The following VIT variants were observed in gnomAD, a reference collection of about 807,000 sequenced individuals.
VIT encodes vitrin.
VIT carries 99 observed loss-of-function variants against 78.0 expected under a neutral mutation model. That is an observed-to-expected ratio of 1.27 (90% CI 1.08 to 1.50). The LOEUF is 1.50. VIT is among the 40% of genes most tolerant of loss of function. The pLI, the probability that VIT is intolerant of heterozygous loss-of-function variation, is 0.00. For synonymous variants in VIT, 374 were observed against 334.3 expected (o/e 1.12, Z -1.29); for missense variants, 1,126 against 875.3 (o/e 1.29, Z -3.61).
At chr2:36,795,322 C>G (rs1365373342) in intron 12 of VIT, among the ~76,000 whole-genome samples, 1 of 151,882 alleles carries the variant, frequency 6.6e-6, no homozygotes, top group African/African-American at 2.4e-5. Flanking sequence ...CAGCTAAGGT[C>G]AAACAAGACA....
At chr2:36,729,348 G>A (rs1027616449) in intron 2 of VIT, 78 bp from the exon 3 acceptor site, 31 of 1,291,112 alleles carry the variant, frequency 2.4e-5, no homozygotes, top group Non-Finnish European at 3.1e-5. Flanking sequence ...GTGGATGATC[G>A]AAGCAAGTAT....
chr2:36,812,427 A>G (rs1008770732), intron 15 of VIT, among the ~76,000 whole-genome samples: 15 of 151,618 alleles, frequency 9.9e-5, no homozygotes, highest in African/African-American at 3.4e-4. Flanking sequence ...AGGCTATTGT[A>G]GAGTAAGGTC....
intron 7 of VIT, among the ~76,000 whole-genome samples, chr2:36,772,702 G>A (rs1004341210): frequency 6.6e-6 from 1 of 152,194 alleles, no homozygotes; most frequent in African/African-American, 2.4e-5. Context: ...GTGAGAGCCT[G>A]ACTGAAAACA....
In VIT at chr2:36,709,944, C is replaced by T. The variant is rs80324393; in HGVS notation, c.-18-6409C>T. Among the ~76,000 whole-genome samples, 522 of 152,232 alleles carry T rather than the reference C, an allele frequency of 3.4e-3. 4 individuals are homozygous for T. The highest frequency in any genetic ancestry group is 0.012 in the African/African-American group (502 of 41,536). Reference sequence around the variant, plus strand: ...TGAACAGGTGAATGCACAATCAGACCTGTGCTTTAGGAAGCTGATCCTTTC... The same window carrying T: ...TGAACAGGTGAATGCACAATCAGACTTGTGCTTTAGGAAGCTGATCCTTTC... On this transcript the variant is annotated intron_variant, in intron 1 of 15. Transcript: ENST00000379242.
At chr2:36,749,330 T>G (rs550476604) in intron 4 of VIT, among the ~76,000 whole-genome samples, 1 of 152,198 alleles carries the variant, frequency 6.6e-6, no homozygotes, top group African/African-American at 2.4e-5. Context: ...TGGTCAGCTG[T>G]TGGTCTAGGA....
At chr2:36,743,711 T>C (rs904336723) in intron 4 of VIT, among the ~76,000 whole-genome samples, 6 of 152,228 alleles carry the variant, frequency 3.9e-5, no homozygotes, top group African/African-American at 1.4e-4. Context: ...CCAAATATTC[T>C]TGTTTGCCCT....
In VIT at chr2:36,735,210, G is replaced by A. The variant is rs1255760173; in HGVS notation, c.118+5719G>A. On this transcript the variant is annotated intron_variant, in intron 3 of 15. Transcript: ENST00000379242. ...AAAAAAGAAAATAATCTGGCATGGG[G>A]GTCTTACAAAGAAGAAAAACAAAGA... Among the ~76,000 whole-genome samples the A allele has an allele frequency of 2.0e-5, 3 of 152,054 alleles. No individual in the cohort carries two copies. The East Asian group carries it at 5.8e-4, about 29-fold the overall frequency.
intron 2 of VIT, among the ~76,000 whole-genome samples, chr2:36,725,636 C>T (rs72783153): frequency 0.13 from 19,483 of 150,170 alleles, 1,368 homozygotes; most frequent in East Asian, 0.16. Flanking sequence ...ATTGAGACCA[C>T]AGTAGCTGAA....
intron 1 of VIT, among the ~76,000 whole-genome samples, chr2:36,715,596 A>G (rs1666079334): frequency 6.6e-6 from 1 of 152,134 alleles, no homozygotes; most frequent in Non-Finnish European, 1.5e-5. Context: ...TGGTTCTCAA[A>G]CTTGGATGTA....
chr2:36,808,617 G>T lies in VIT; in HGVS notation c.1535G>T (p.Gly512Val). The T allele has an allele frequency of 6.2e-7, 1 of 1,614,228 alleles. No homozygotes were observed. Among genetic ancestry groups the T allele is most frequent in the East Asian group, 2.2e-5 (1 of 44,886 alleles). The change falls in exon 15 of 16, where the codon GGC becomes GTC. Residue 512 changes from glycine to valine, a missense_variant. Transcript: ENST00000379242. ...SKTCLNSADI[G>V]FVIDGSSSVG... is the part of the protein sequence containing the mutation. ...ACCTGCTTGAACTCGGCTGACATTG[G>T]CTTCGTCATCGACGGCTCCAGCAGT...
intron 2 of VIT, among the ~76,000 whole-genome samples, chr2:36,719,823 C>T (rs1366207924): frequency 6.6e-6 from 1 of 152,004 alleles, no homozygotes; most frequent in Non-Finnish European, 1.5e-5. Flanking sequence ...TGACTGTAGT[C>T]CTAGCTACTG....
intron 8 of VIT, chr2:36,774,584 A>G: frequency 1.0e-6 from 1 of 985,426 alleles, no homozygotes; most frequent in Non-Finnish European, 1.2e-6. Context: ...TAGAAACTGT[A>G]GGTTCTGTTT....
At position 36,787,148 on chromosome 2, in the gene VIT, G is replaced by C. The variant is rs1457585481; in HGVS notation, c.930G>C (p.Ser310=). ...CCGCAGACTGCAAAATTGACTTGTC[G>C]TTTTTAATTGATGGGAGCACCAGCA... The part of the protein sequence containing the change: ...LGDPNCKIDL[S]FLIDGSTSIG... The change falls in exon 12 of 16, where the codon TCG becomes TCC. Residue 310 remains serine (S), a synonymous_variant. Transcript: ENST00000379242. 6.2e-7 allele frequency: 1 copy of C among 1,614,148 alleles called. No individual in the cohort carries two copies. The highest frequency in any genetic ancestry group is 8.5e-7 in the Non-Finnish European group (1 of 1,180,034).
At chr2:36,744,185 C>T (rs1196526888) in intron 4 of VIT, among the ~76,000 whole-genome samples, 1 of 152,198 alleles carries the variant, frequency 6.6e-6, no homozygotes, top group African/African-American at 2.4e-5. Context: ...ATATGTACCA[C>T]ATTTTCTTTA....
intron 9 of VIT, 21 bp from the exon 10 acceptor site, chr2:36,781,706 C>A (rs1435038626): frequency 6.2e-7 from 1 of 1,613,890 alleles, no homozygotes; most frequent in Admixed American, 1.7e-5. Context: ...AAGTTTGTTT[C>A]TTTTCAATTT....
rs868442111 is a variant in VIT at position 36,769,018 on chromosome 2, C to T, written c.679+1733C>T. ...TGAAATACATCAAACACTCCTCCAC[C>T]ATTCTGTTCCTGTTTAACTCAGGAT... is the stretch of plus-strand genomic sequence containing the variant. On this transcript the variant is annotated intron_variant, in intron 7 of 15. Transcript: ENST00000379242. Among the ~76,000 whole-genome samples, 7 of 152,294 alleles carry T rather than the reference C, an allele frequency of 4.6e-5. No homozygotes were observed. The South Asian group carries it at 1.2e-3, about 27-fold the overall frequency.
chr2:36,783,460 C>G (rs1664897184), intron 11 of VIT, 58 bp downstream of exon 11: 17 of 1,563,196 alleles, frequency 1.1e-5, no homozygotes, highest in Non-Finnish European at 1.4e-5. Flanking sequence ...CTGCTCTCTC[C>G]TCTCTTCCCA....
intron 1 of VIT, among the ~76,000 whole-genome samples, chr2:36,700,619 G>A (rs1028423100): frequency 6.6e-6 from 1 of 152,046 alleles, no homozygotes; most frequent in Non-Finnish European, 1.5e-5. Flanking sequence ...GTGCTCGCCT[G>A]TAGTACCAGC....
chr2:36,780,872 G>T (rs1463692423), intron 9 of VIT, among the ~76,000 whole-genome samples: 1 of 152,100 alleles, frequency 6.6e-6, no homozygotes, highest in African/African-American at 2.4e-5. Flanking sequence ...GAGAGGGGCA[G>T]AAAGAAAGGG....
Sources: gnomAD v4.1 joint callset for allele counts (sites outside exome capture counted in the v4.1 genomes callset) on GRCh38, gnomAD v4.1.1 for gene constraint, MANE v1.5 for transcripts, NCBI Gene and HGNC (gene_info 2026-07-23, HGNC 2026-07-21) for gene names.